Variants in SLC11A2 observed in about 807,000 individuals in gnomAD.
SLC11A2 encodes solute carrier family 11 member 2.
A neutral mutation model predicts 68.0 loss-of-function variants in SLC11A2; 38 were observed. The observed-to-expected ratio is 0.56, with a 90% CI of 0.43 to 0.73. The LOEUF is 0.73. SLC11A2 is among the 30% of genes least tolerant of loss of function. The pLI is 0.00. For missense variants in SLC11A2, 517 were observed against 690.5 expected (o/e 0.75, Z 2.82); for synonymous variants, 242 against 250.6 (o/e 0.97, Z 0.32).
the SLC11A2 span, among the ~76,000 whole-genome samples, chr12:50,968,966 C>T: frequency 6.6e-6 from 1 of 152,020 alleles, no homozygotes; most frequent in African/African-American, 2.4e-5. Context: ...GGCATGAGCC[C>T]CCACCACGCA....
chr12:51,007,374 A>G (rs995720785), intron 3 of SLC11A2, among the ~76,000 whole-genome samples: 3 of 152,120 alleles, frequency 2.0e-5, no homozygotes, highest in Non-Finnish European at 4.4e-5. Context: ...TCACTCTGTC[A>G]CTCAGGCCGG....
At chr12:51,026,701 T>G (rs1197742428), upstream of SLC11A2, among the ~76,000 whole-genome samples, 1 of 152,052 alleles carries the variant, frequency 6.6e-6, no homozygotes, top group African/African-American at 2.4e-5. Flanking sequence ...CGTTAGGTAC[T>G]GACAATCAAG....
intron 4 of SLC11A2, 34 bp downstream of exon 4, chr12:51,005,277 G>A (rs777193121): frequency 6.2e-7 from 1 of 1,611,286 alleles, no homozygotes; most frequent in African/African-American, 1.3e-5. Flanking sequence ...TGTATTATGT[G>A]CTTAAAAGGA....
the SLC11A2 span, among the ~76,000 whole-genome samples, chr12:50,967,826 G>A: frequency 1.3e-5 from 2 of 152,092 alleles, no homozygotes; most frequent in African/African-American, 4.8e-5. Context: ...TATAAAAAGT[G>A]ATTTAGGCTG....
intron 1 of SLC11A2, among the ~76,000 whole-genome samples, chr12:51,020,807 G>T (rs866410456): frequency 1.3e-5 from 2 of 152,122 alleles, no homozygotes; most frequent in African/African-American, 4.8e-5. Context: ...CAATTACATT[G>T]TATTAAGTAT....
chr12:50,968,043 G>A, the SLC11A2 span, among the ~76,000 whole-genome samples: 3 of 151,450 alleles, frequency 2.0e-5, no homozygotes, highest in East Asian at 3.9e-4. Context: ...CCTTGCTCAC[G>A]CCACTGCACT....
chr12:51,013,309 A>G (rs1473718244), intron 1 of SLC11A2, among the ~76,000 whole-genome samples: 2 of 94,288 alleles, frequency 2.1e-5, no homozygotes, highest in African/African-American at 4.0e-5. Context: ...TTTTTTTTTG[A>G]GACAGAGTTT....
At position 50,990,928 on chromosome 12, in the gene SLC11A2, C is replaced by T. The variant is rs1001114110; in HGVS notation, c.1442G>A (p.Gly481Glu). The change falls in exon 15 of 16, where the codon GGA becomes GAA. Residue 481 changes from glycine (G) to glutamate (E), a missense_variant. Transcript: ENST00000262052. ...GGAACAGATGATAAGGACCAAGATT[C>T]CTCCTGCAATCCGCCAGCCTCTGTA... is the stretch of plus-strand genomic sequence containing the variant. ...ANGLGWRIAGGILVLIICSIN... is the reference protein window; with the variant it reads ...ANGLGWRIAGEILVLIICSIN... The T allele has an allele frequency of 1.9e-6, 3 of 1,613,902 alleles. No homozygotes were observed. In the African/African-American group the frequency reaches 4.0e-5, roughly 22 times the overall value.
chr12:51,012,380 C>T (rs1943305416), intron 1 of SLC11A2, among the ~76,000 whole-genome samples: 1 of 152,170 alleles, frequency 6.6e-6, no homozygotes, highest in African/African-American at 2.4e-5. Flanking sequence ...TTCTTATCTA[C>T]TTCTCAGTTG....
the SLC11A2 span, chr12:50,953,787 A>ATTTTT: frequency 2.0e-6 from 1 of 506,372 alleles, no homozygotes; most frequent in Non-Finnish European, 3.5e-6. Context: ...TCCTCTATGT[A>ATTTTT]TTTTTTTCTT....
intron 2 of SLC11A2, 106 bp downstream of exon 2, chr12:51,010,589 T>C: frequency 1.4e-6 from 1 of 707,024 alleles, no homozygotes; most frequent in East Asian, 2.7e-5. Context: ...GTTGTTAGAA[T>C]AGATGATGAC....
rs1257846539 is a variant in SLC11A2 at position 50,987,277 on chromosome 12, GAC to G, written c.*1046_*1047del. 1.0e-5 allele frequency: 13 copies of G among 1,287,206 alleles called. No individual in the cohort carries two copies. The highest frequency in any genetic ancestry group is 1.3e-5 in the Non-Finnish European group (13 of 988,686). 79.7% of individuals were successfully genotyped at this position (1,287,206 alleles called of 1,614,324 possible). A position where few individuals can be genotyped will look rare whatever the true frequency, so the allele number is the denominator to read the frequency against. ...CTGACTTGCAGAGAACGCTGAGAAA[GAC>G]AGTGTGCTTTGCAACGGTTAAGTCC... On this transcript the variant is annotated 3_prime_UTR_variant, in exon 16 of 16. Transcript: ENST00000262052.
intron 8 of SLC11A2, among the ~76,000 whole-genome samples, chr12:50,997,797 G>A (rs1384966009): frequency 1.4e-4 from 21 of 150,442 alleles, no homozygotes; most frequent in African/African-American, 4.9e-4. Context: ...AGACCAGCCT[G>A]GCAAACATAG....
At chr12:51,028,349 C>A (rs1944468455), upstream of SLC11A2, 2 of 593,860 alleles carry the variant, frequency 3.4e-6, no homozygotes, top group Non-Finnish European at 5.8e-6. Context: ...TTTCTAAAGA[C>A]GAGCAAGGAA....
At chr12:50,970,468 T>C in the SLC11A2 span, 1 of 1,528,806 alleles carries the variant, frequency 6.5e-7, no homozygotes, top group South Asian at 1.2e-5. Context: ...GTATAAGGAT[T>C]ACATTAGACC....
chr12:50,990,925 A>G lies in SLC11A2; in HGVS notation c.1445T>C (p.Ile482Thr). ...NGLGWRIAGG[I>T]LVLIICSINM... The stretch of plus-strand genomic sequence containing the variant: ...GATGGAACAGATGATAAGGACCAAG[A>G]TTCCTCCTGCAATCCGCCAGCCTCT... Residue 482 changes from isoleucine to threonine, a missense_variant, in exon 15 of 16, where the codon ATC becomes ACC. Coordinates refer to ENST00000262052, the MANE Select transcript of SLC11A2 (RefSeq NM_000617.3). 3 of 1,614,086 alleles carry G rather than the reference A, an allele frequency of 1.9e-6. No individual in the cohort carries two copies. Among genetic ancestry groups the G allele is most frequent in the Non-Finnish European group, 2.5e-6 (3 of 1,179,976 alleles).
downstream of SLC11A2, among the ~76,000 whole-genome samples, chr12:50,976,486 TG>T (rs1377586858): frequency 6.6e-6 from 1 of 152,184 alleles, no homozygotes; most frequent in Admixed American, 6.6e-5. Context: ...ATTGATGGGA[TG>T]TATCTCAAAA....
At chr12:50,984,117 C>T (rs565962894), downstream of SLC11A2, among the ~76,000 whole-genome samples, 1 of 150,620 alleles carries the variant, frequency 6.6e-6, no homozygotes. Context: ...TGACAAAGCT[C>T]GACTCCATCT....
intron 3 of SLC11A2, among the ~76,000 whole-genome samples, chr12:51,007,705 A>G (rs1942848330): frequency 6.6e-6 from 1 of 151,148 alleles, no homozygotes. Flanking sequence ...CCATAGCATG[A>G]TCTTGGCTCA....
Sources: gnomAD v4.1 joint callset for allele counts (sites outside exome capture counted in the v4.1 genomes callset) on GRCh38, gnomAD v4.1.1 for gene constraint, MANE v1.5 for transcripts, NCBI Gene and HGNC (gene_info 2026-07-23, HGNC 2026-07-21) for gene names.